The following GNG2 variants were observed in gnomAD, a reference collection of about 807,000 sequenced individuals.
GNG2 encodes guanine nucleotide-binding protein G(I)/G(S)/G(O) subunit gamma-2.
In GNG2, 5 loss-of-function variants were observed where a neutral mutation model predicts 5.5. That is an observed-to-expected ratio of 0.91 (90% CI 0.48 to 1.92). The LOEUF (loss-of-function observed/expected upper bound fraction) is 1.92. Among genes scored for constraint, GNG2 ranks in the 30% most tolerant of loss-of-function variants. GNG2 has a pLI of 0.01. For missense variants in GNG2, 55 were observed against 88.4 expected (o/e 0.62, Z 1.52); for synonymous variants, 28 against 32.0 (o/e 0.88, Z 0.42).
chr14:51,967,604 C>G lies in GNG2; in HGVS notation c.*917C>G, dbSNP rs1452816129. On this transcript the variant is annotated 3_prime_UTR_variant, in exon 4 of 4. Transcript: ENST00000556766. Reference sequence around the variant, plus strand: ...AGATTACTTCAGAGCCTTAGCCACACCTAAAATACCTCCTAGTTAATAGTG... The same window carrying G: ...AGATTACTTCAGAGCCTTAGCCACAGCTAAAATACCTCCTAGTTAATAGTG... 6.6e-6 allele frequency: 1 copy of G among 152,042 alleles called. No homozygotes were observed. Among genetic ancestry groups the G allele is most frequent in the Non-Finnish European group, 1.5e-5 (1 of 68,022 alleles). 9.4% of individuals were successfully genotyped at this position (152,042 alleles called of 1,614,324 possible).
intron 2 of GNG2, among the ~76,000 whole-genome samples, chr14:51,882,199 G>A (rs1447444561): frequency 6.6e-6 from 1 of 152,142 alleles, no homozygotes; most frequent in East Asian, 1.9e-4. Flanking sequence ...AGTGATAGCT[G>A]CACAACACCG....
chr14:51,887,141 G>C (rs1158695388), intron 2 of GNG2, among the ~76,000 whole-genome samples: 4 of 152,160 alleles, frequency 2.6e-5, no homozygotes, highest in Non-Finnish European at 5.9e-5. Flanking sequence ...ATCTGGAGGA[G>C]CTACACAGAG....
chr14:51,852,795 T>C (rs190141529), intron 2 of GNG2, among the ~76,000 whole-genome samples: 4 of 152,250 alleles, frequency 2.6e-5, no homozygotes, highest in Admixed American at 2.0e-4. Context: ...TCATGAGAAG[T>C]GTTTTGCATC....
In GNG2 at chr14:51,917,418, G is replaced by A. The variant is rs189482309; in HGVS notation, c.-29-33232G>A. Reference sequence around the variant, plus strand: ...GGCTGGTTGCCTTCATACTGCAATCGCCTCTGTAATCTTCCTGTGAGACGT... The same window carrying A: ...GGCTGGTTGCCTTCATACTGCAATCACCTCTGTAATCTTCCTGTGAGACGT... On this transcript the variant is annotated intron_variant, in intron 2 of 3. Transcript: ENST00000556766. 7.5e-5 allele frequency: 34 copies of A among 456,020 alleles called. 1 individual carries two copies. Among genetic ancestry groups the A allele is most frequent in the Admixed American group, 3.3e-4 (14 of 42,576 alleles). The allele number at this position is 456,020 out of a possible 1,614,324, so 28.2% of individuals were successfully genotyped here.
intron 2 of GNG2, among the ~76,000 whole-genome samples, chr14:51,937,857 G>C (rs1395691114): frequency 1.3e-5 from 2 of 152,154 alleles, no homozygotes; most frequent in Admixed American, 6.5e-5. Context: ...GTGCTCTGCT[G>C]AGTCTTTCCA....
intron 2 of GNG2, among the ~76,000 whole-genome samples, chr14:51,843,121 G>A (rs1881527595): frequency 6.6e-6 from 1 of 152,206 alleles, no homozygotes; most frequent in Non-Finnish European, 1.5e-5. Flanking sequence ...TATTTCAGGT[G>A]TTTTTAATCA....
intron 2 of GNG2, among the ~76,000 whole-genome samples, chr14:51,888,502 A>AAG (rs1467405458): frequency 6.6e-6 from 1 of 152,082 alleles, no homozygotes; most frequent in Non-Finnish European, 1.5e-5. Flanking sequence ...AATGTTTTTG[A>AAG]AGAGATAGGG....
chr14:51,940,727 T>C (rs2140264260), intron 2 of GNG2, among the ~76,000 whole-genome samples: 1 of 152,298 alleles, frequency 6.6e-6, no homozygotes, highest in South Asian at 2.1e-4. Flanking sequence ...AAAATCTGCT[T>C]AGTGACTGAG....
intron 2 of GNG2, among the ~76,000 whole-genome samples, chr14:51,910,907 C>G (rs1566680858): frequency 6.6e-6 from 1 of 152,232 alleles, no homozygotes; most frequent in Non-Finnish European, 1.5e-5. Flanking sequence ...ATATGGGTCA[C>G]CTGTCTACAT....
intron 3 of GNG2, among the ~76,000 whole-genome samples, chr14:51,960,334 G>T (rs1393832164): frequency 1.3e-5 from 2 of 151,452 alleles, no homozygotes; most frequent in African/African-American, 2.4e-5. Context: ...TATTTGATTT[G>T]TGCCTTTTTA....
chr14:51,831,412 A>G (rs1295719723), intron 2 of GNG2, among the ~76,000 whole-genome samples: 1 of 152,240 alleles, frequency 6.6e-6, no homozygotes, highest in Non-Finnish European at 1.5e-5. Context: ...TGTCTGGCAC[A>G]TGTACTGTGC....
rs1663384218 is a variant in GNG2, at chr14:51,968,550, T to C, written c.*1863T>C. ...GATACTGAAACATTTGTGAAATGTA[T>C]GAATGCACTTCTGTAACCAGATACT... On this transcript the variant is annotated 3_prime_UTR_variant, in exon 4 of 4. Transcript: ENST00000556766. 1 of 152,212 alleles carries C rather than the reference T, an allele frequency of 6.6e-6. No homozygotes were observed. The highest frequency in any genetic ancestry group is 2.4e-5 in the African/African-American group (1 of 41,442). 9.4% of individuals were successfully genotyped at this position (152,212 alleles called of 1,614,324 possible).
At chr14:51,884,461 G>A (rs180886098) in intron 2 of GNG2, among the ~76,000 whole-genome samples, 102 of 152,300 alleles carry the variant, frequency 6.7e-4, no homozygotes, top group African/African-American at 2.3e-3. Context: ...TACAAAGGAG[G>A]AAGCTGTGGT....
intron 1 of GNG2, chr14:51,826,318 A>C (rs551583756): frequency 2.0e-5 from 3 of 151,936 alleles, no homozygotes; most frequent in African/African-American, 7.3e-5. Flanking sequence ...TTAAAAATAC[A>C]AATTTTGAAA....
At chr14:51,840,490 G>A (rs1881454543) in intron 2 of GNG2, among the ~76,000 whole-genome samples, 1 of 152,152 alleles carries the variant, frequency 6.6e-6, no homozygotes, top group Non-Finnish European at 1.5e-5. Flanking sequence ...CCAGTTTACT[G>A]ACAGACTTCT....
upstream of GNG2, among the ~76,000 whole-genome samples, chr14:51,856,468 C>G (rs1230640828): frequency 6.6e-6 from 1 of 152,176 alleles, no homozygotes. Flanking sequence ...GAGTCTTGCT[C>G]TGTTGCCCAG....
Position 51,966,757 on chromosome 14 carries a change from C to A in GNG2, c.*70C>A. On this transcript the variant is annotated 3_prime_UTR_variant, in exon 4 of 4. Coordinates refer to ENST00000556766, the MANE Select transcript of GNG2 (RefSeq NM_053064.5). ...GATGTAGAGTTTTTAGTGAAGTGGG[C>A]ACCTTTCTAGTCCACGGCATTTGAA... 9 of 1,346,312 alleles carry A rather than the reference C, an allele frequency of 6.7e-6. No homozygotes were observed. The South Asian group carries it at 1.1e-4, about 16-fold the overall frequency. 83.4% of individuals were successfully genotyped at this position (1,346,312 alleles called of 1,614,324 possible).
chr14:51,948,978 A>G (rs891974202), intron 2 of GNG2, among the ~76,000 whole-genome samples: 23 of 152,012 alleles, frequency 1.5e-4, no homozygotes, highest in African/African-American at 5.6e-4. Flanking sequence ...AAAATTAGCC[A>G]GGTGTGGTGG....
At chr14:51,892,110 A>G in intron 2 of GNG2, among the ~76,000 whole-genome samples, 1 of 150,982 alleles carries the variant, frequency 6.6e-6, no homozygotes, top group East Asian at 1.9e-4. Context: ...CTGAATTTTA[A>G]TTTTTGCTAG....
Sources: allele counts gnomAD v4.1 joint callset (sites outside exome capture counted in the v4.1 genomes callset), GRCh38; gene constraint gnomAD v4.1.1; transcripts MANE v1.5; gene names NCBI Gene and HGNC (gene_info 2026-07-23, HGNC 2026-07-21).